NKAIN3: variants seen among roughly 807,000 people sequenced by gnomAD.
NKAIN3 encodes sodium/potassium transporting ATPase interacting 3.
A neutral mutation model predicts 30.2 loss-of-function variants in NKAIN3; 25 were observed. The ratio of observed to expected loss-of-function variants is 0.83; its 90% confidence interval spans 0.60 to 1.16. The LOEUF is 1.16. Ranked by LOEUF, NKAIN3 falls within the 50% of genes most tolerant of loss-of-function variation. NKAIN3 has a pLI of 0.00. For missense variants in NKAIN3, 225 were observed against 254.1 expected (o/e 0.89, Z 0.78); for synonymous variants, 91 against 89.6 (o/e 1.02, Z -0.09).
In NKAIN3 at chr8:62,630,107, T is replaced by C. The variant is rs1208696744; in HGVS notation, c.273+40313T>C. On this transcript the variant is annotated intron_variant, in intron 3 of 6. Transcript: ENST00000623646. Reference sequence around the variant, plus strand: ...TTTTATTAGTAATATATTGTTAATCTCTTACTGTACCTAATTTATAAATTA... The same window carrying C: ...TTTTATTAGTAATATATTGTTAATCCCTTACTGTACCTAATTTATAAATTA... Among the ~76,000 whole-genome samples, 2 of 152,090 alleles carry C rather than the reference T, an allele frequency of 1.3e-5. 1 individual carries two copies. The highest frequency in any genetic ancestry group is 2.9e-5 in the Non-Finnish European group (2 of 67,992).
At chr8:62,676,589 C>A (rs189832306) in intron 3 of NKAIN3, among the ~76,000 whole-genome samples, 80 of 152,206 alleles carry the variant, frequency 5.3e-4, no homozygotes, top group Non-Finnish European at 9.3e-4. Flanking sequence ...ACAAAGTATA[C>A]TATCTTATGG....
intron 1 of NKAIN3, among the ~76,000 whole-genome samples, chr8:62,422,377 A>C (rs1046109754): frequency 4.6e-5 from 7 of 152,278 alleles, no homozygotes; most frequent in African/African-American, 1.7e-4. Context: ...ATGCTCTAAC[A>C]GAATTGGAAT....
At chr8:62,442,787 T>G (rs1463369849) in intron 1 of NKAIN3, among the ~76,000 whole-genome samples, 1 of 152,022 alleles carries the variant, frequency 6.6e-6, no homozygotes, top group African/African-American at 2.4e-5. Flanking sequence ...TAATTGTCAC[T>G]TAGCTCTAAA....
chr8:62,260,893 C>T (rs1044636701), intron 1 of NKAIN3, among the ~76,000 whole-genome samples: 5 of 152,082 alleles, frequency 3.3e-5, no homozygotes, highest in Non-Finnish European at 5.9e-5. Context: ...CTACACGGTA[C>T]GTATTTTACA....
intron 1 of NKAIN3, among the ~76,000 whole-genome samples, chr8:62,568,444 G>A (rs537755559): frequency 2.6e-5 from 4 of 151,926 alleles, no homozygotes; most frequent in African/African-American, 7.2e-5. Context: ...TGCCTTTTTC[G>A]ACACATTGAA....
At chr8:62,855,407 C>G in intron 4 of NKAIN3, 1 of 906,248 alleles carries the variant, frequency 1.1e-6, no homozygotes, top group South Asian at 1.3e-5. Context: ...CATGCCCTTG[C>G]TGATATTGGC....
chr8:62,736,587 G>C (rs1050421678), intron 3 of NKAIN3, among the ~76,000 whole-genome samples: 2 of 152,158 alleles, frequency 1.3e-5, no homozygotes, highest in Admixed American at 6.5e-5. Context: ...AAGCAGGGCT[G>C]AGAACTTGCC....
At chr8:62,609,870 G>A (rs1811237787) in intron 3 of NKAIN3, among the ~76,000 whole-genome samples, 1 of 152,254 alleles carries the variant, frequency 6.6e-6, no homozygotes, top group African/African-American at 2.4e-5. Flanking sequence ...CGAAGAAAGA[G>A]CAATGGCAAG....
intron 4 of NKAIN3, among the ~76,000 whole-genome samples, chr8:62,785,063 A>C (rs749115740): frequency 6.6e-5 from 10 of 152,184 alleles, no homozygotes; most frequent in Non-Finnish European, 1.5e-4. Context: ...GTTTCTCAAC[A>C]AATTAAATAC....
At chr8:62,513,051 A>T (rs1181704811) in intron 1 of NKAIN3, among the ~76,000 whole-genome samples, 1 of 152,098 alleles carries the variant, frequency 6.6e-6, no homozygotes, top group Non-Finnish European at 1.5e-5. Flanking sequence ...TTTGAAAAAT[A>T]TATATAAAAT....
intron 4 of NKAIN3, among the ~76,000 whole-genome samples, chr8:62,844,867 A>T (rs374441630): frequency 2.6e-5 from 4 of 152,068 alleles, no homozygotes; most frequent in African/African-American, 9.7e-5. Context: ...TGGGCAGTCG[A>T]CTAACCACAG....
chr8:62,537,202 T>A (rs887608533), intron 1 of NKAIN3, among the ~76,000 whole-genome samples: 1 of 152,154 alleles, frequency 6.6e-6, no homozygotes, highest in Admixed American at 6.6e-5. Context: ...TTGGTTGTTG[T>A]TTCATCAAGC....
chr8:62,864,187 A>C (rs1563600158), intron 4 of NKAIN3: 2 of 646,246 alleles, frequency 3.1e-6, no homozygotes, highest in Non-Finnish European at 5.4e-6. Flanking sequence ...GACCGGGAGG[A>C]GGCTCTGGCG....
intron 4 of NKAIN3, among the ~76,000 whole-genome samples, chr8:62,866,217 T>C (rs1820408247): frequency 6.6e-6 from 1 of 152,174 alleles, no homozygotes; most frequent in Non-Finnish European, 1.5e-5. Context: ...AAGAGAAATG[T>C]GTTCATTGTG....
At chr8:62,303,859 A>C (rs1814134646) in intron 1 of NKAIN3, among the ~76,000 whole-genome samples, 1 of 150,668 alleles carries the variant, frequency 6.6e-6, no homozygotes, top group African/African-American at 2.5e-5. Context: ...GAATAAAAAT[A>C]GCCATTTAAA....
Position 62,249,120 on chromosome 8 carries a change from T to A in NKAIN3, c.47T>A (p.Leu16Gln). 1 of 1,537,324 alleles carries A rather than the reference T, an allele frequency of 6.5e-7. No homozygotes were observed. The highest frequency in any genetic ancestry group is 8.7e-7 in the Non-Finnish European group (1 of 1,143,546). The change falls in exon 1 of 7, where the codon CTG (leucine) becomes CAG (glutamine). Residue 16 changes from leucine to glutamine, a missense_variant. Leu to Gln is a moderately radical substitution (Grantham distance 113). Coordinates refer to ENST00000623646, the MANE Select transcript of NKAIN3 (RefSeq NM_001304533.3). The part of the protein sequence containing the change: ...GRCSLICLCA[L>Q]QLVSALERQI... ...TGCTCGCTCATCTGCCTCTGCGCGC[T>A]GCAGTTGGTGAGTGCCCCGAGGGCC...
rs567573268 is a variant in NKAIN3, at chr8:62,526,345, T to C, written c.55-53194T>C. Among the ~76,000 whole-genome samples the C allele has an allele frequency of 2.6e-5, 4 of 152,150 alleles. No homozygotes were observed. In the East Asian group the frequency reaches 7.7e-4, roughly 29 times the overall value. On this transcript the variant is annotated intron_variant, in intron 1 of 6. Transcript: ENST00000623646. Reference sequence around the variant, plus strand: ...TAATCAGTACCTTCTAACTTAGAAATCTCCCAAAATGGAGTCCCCTATAGC... The same window carrying C: ...TAATCAGTACCTTCTAACTTAGAAACCTCCCAAAATGGAGTCCCCTATAGC...
chr8:62,301,226 A>G (rs1478663777), intron 1 of NKAIN3, among the ~76,000 whole-genome samples: 1 of 152,110 alleles, frequency 6.6e-6, no homozygotes, highest in Non-Finnish European at 1.5e-5. Flanking sequence ...TTTAATCATA[A>G]AATTAAAATG....
chr8:62,429,725 T>C (rs1207326200), intron 1 of NKAIN3, among the ~76,000 whole-genome samples: 1 of 151,968 alleles, frequency 6.6e-6, no homozygotes, highest in East Asian at 1.9e-4. Flanking sequence ...GAAGCATTAA[T>C]GTTTCACATC....
Sources: gnomAD v4.1 joint callset for allele counts (sites outside exome capture counted in the v4.1 genomes callset) on GRCh38, gnomAD v4.1.1 for gene constraint, MANE v1.5 for transcripts, NCBI Gene and HGNC (gene_info 2026-07-23, HGNC 2026-07-21) for gene names.